Variants in KATNAL1 observed in about 807,000 individuals in gnomAD.
The protein encoded by KATNAL1 is katanin catalytic subunit A1 like 1, also known as katanin p60 ATPase-containing subunit A-like 1.
A neutral mutation model predicts 55.2 loss-of-function variants in KATNAL1; 32 were observed. The observed-to-expected ratio is 0.58, with a 90% CI of 0.44 to 0.78. The LOEUF (loss-of-function observed/expected upper bound fraction) is 0.78. KATNAL1 is among the 30% of genes least tolerant of loss of function. The probability of loss-of-function intolerance (pLI) is 0.00; values close to 1 mark genes in which losing one functional copy is unlikely to be tolerated. For synonymous variants in KATNAL1, 193 were observed against 193.6 expected, an observed-to-expected ratio of 1.00 and a Z score of 0.02; for missense variants, 466 against 600.9, an observed-to-expected ratio of 0.78 and a Z score of 2.35.
chr13:30,241,007 A>G lies in KATNAL1; in HGVS notation c.572T>C (p.Val191Ala). 6.2e-7 allele frequency: 1 copy of G among 1,613,734 alleles called. No homozygotes were observed. The highest frequency in any genetic ancestry group is 8.5e-7 in the Non-Finnish European group (1 of 1,179,790). ...FDGAGYDKDL[V>A]EALERDIVSR... ...TACAATGTCTCTTTCAAGGGCTTCCACCAGATCCTTATCATAACCAGCACC... is the reference window on the plus strand; with the variant it reads ...TACAATGTCTCTTTCAAGGGCTTCCGCCAGATCCTTATCATAACCAGCACC... The change falls in exon 5 of 11, where the codon GTG (valine) becomes GCG (alanine). Residue 191 changes from valine (V) to alanine (A), a missense_variant. This residue lies in a region of KATNAL1 where 248 missense variants were observed against 275.5 expected (regional missense o/e 0.90). Transcript: ENST00000380615.
At chr13:30,253,662 CAAAAAAAA>C (rs71093036) in intron 4 of KATNAL1, among the ~76,000 whole-genome samples, 3 of 88,098 alleles carry the variant, frequency 3.4e-5, no homozygotes, top group Non-Finnish European at 2.3e-5. Flanking sequence ...GACTCCATCT[CAAAAAAAA>C]AAAAAAAAAA....
chr13:30,224,424 C>T (rs999982883), intron 9 of KATNAL1, among the ~76,000 whole-genome samples: 2 of 151,774 alleles, frequency 1.3e-5, no homozygotes, highest in Non-Finnish European at 2.9e-5. Flanking sequence ...GTAGTCCCTA[C>T]TCAAGAGGCT....
intron 4 of KATNAL1, among the ~76,000 whole-genome samples, chr13:30,247,321 GCTTA>G (rs1381994427): frequency 6.6e-6 from 1 of 152,168 alleles, no homozygotes. Context: ...TGCAAACAGT[GCTTA>G]CTAATTTCAG....
At chr13:30,230,252 T>C (rs113752549) in intron 8 of KATNAL1, among the ~76,000 whole-genome samples, 3 of 152,336 alleles carry the variant, frequency 2.0e-5, no homozygotes, top group East Asian at 1.9e-4. Context: ...AAGGCCATAG[T>C]AGCCTTTTTC....
At chr13:30,215,876 G>A (rs1008945814) in intron 9 of KATNAL1, among the ~76,000 whole-genome samples, 3 of 152,048 alleles carry the variant, frequency 2.0e-5, no homozygotes, top group African/African-American at 7.2e-5. Flanking sequence ...GTATACATAT[G>A]TAACTAACCT....
chr13:30,243,266 T>G (rs1404884031), intron 4 of KATNAL1, among the ~76,000 whole-genome samples: 1 of 152,200 alleles, frequency 6.6e-6, no homozygotes, highest in Non-Finnish European at 1.5e-5. Context: ...TTCATTAGTG[T>G]TGGATAATCT....
At chr13:30,292,538 A>T (rs1218318212) in intron 1 of KATNAL1, among the ~76,000 whole-genome samples, 1 of 152,076 alleles carries the variant, frequency 6.6e-6, no homozygotes, top group Non-Finnish European at 1.5e-5. Context: ...CCAAAGGGAG[A>T]TACTGTATCT....
intron 9 of KATNAL1, among the ~76,000 whole-genome samples, chr13:30,220,806 T>A (rs748749502): frequency 1.2e-4 from 19 of 152,020 alleles, no homozygotes; most frequent in Non-Finnish European, 2.2e-4. Context: ...TCAAGTTGAT[T>A]CTCCTGCCTC....
intron 6 of KATNAL1, among the ~76,000 whole-genome samples, chr13:30,239,761 T>A (rs977266774): frequency 1.3e-5 from 2 of 150,294 alleles, no homozygotes; most frequent in African/African-American, 4.9e-5. Context: ...TCTTGGCTCA[T>A]TGCAAACTCC....
At chr13:30,224,007 C>T (rs1051362164) in intron 9 of KATNAL1, among the ~76,000 whole-genome samples, 1 of 152,062 alleles carries the variant, frequency 6.6e-6, no homozygotes, top group Non-Finnish European at 1.5e-5. Context: ...GAGTATGTTC[C>T]TAACTGCAAT....
At chr13:30,244,202 T>C (rs992296610) in intron 4 of KATNAL1, among the ~76,000 whole-genome samples, 1 of 152,066 alleles carries the variant, frequency 6.6e-6, no homozygotes. Context: ...GTTCCTGTGT[T>C]AGTTTGCTGA....
chr13:30,233,815 C>T (rs1438027732), intron 6 of KATNAL1, among the ~76,000 whole-genome samples: 2 of 152,048 alleles, frequency 1.3e-5, no homozygotes, highest in Non-Finnish European at 2.9e-5. Context: ...AGGTGGAGGT[C>T]GTTATGTCAA....
At chr13:30,254,615 C>A (rs545237544) in intron 4 of KATNAL1, among the ~76,000 whole-genome samples, 3 of 152,086 alleles carry the variant, frequency 2.0e-5, no homozygotes, top group Admixed American at 1.3e-4. Context: ...TGATGGATAA[C>A]CACTTGTTAT....
At chr13:30,260,933 T>G (rs1032256342) in intron 3 of KATNAL1, among the ~76,000 whole-genome samples, 15 of 150,664 alleles carry the variant, frequency 1.0e-4, no homozygotes, top group Non-Finnish European at 2.1e-4. Flanking sequence ...TCACCAAAGT[T>G]GAAATGAAGG....
intron 9 of KATNAL1, among the ~76,000 whole-genome samples, chr13:30,215,892 T>A (rs1037766388): frequency 2.0e-5 from 3 of 152,040 alleles, no homozygotes; most frequent in Non-Finnish European, 4.4e-5. Context: ...AACCTGCCCA[T>A]TGTGCACATG....
In KATNAL1 at chr13:30,255,630, A is replaced by G. The variant is rs1878715681; in HGVS notation, c.324-15T>C. On this transcript the variant is annotated splice_polypyrimidine_tract_variant and intron_variant, in intron 3 of 10. Coordinates refer to ENST00000380615, the MANE Select transcript of KATNAL1 (RefSeq NM_032116.5). The stretch of plus-strand genomic sequence containing the variant: ...GAGGTGGAGCTCTGACAAAAAAAAA[A>G]AAAAAAAAATTAAAATTAAAATTAA... 1 of 1,420,516 alleles carries G rather than the reference A, an allele frequency of 7.0e-7. No individual in the cohort carries two copies. The highest frequency in any genetic ancestry group is 9.2e-7 in the Non-Finnish European group (1 of 1,089,482). 88.0% of individuals were successfully genotyped at this position (1,420,516 alleles called of 1,614,324 possible). A position where few individuals can be genotyped will look rare whatever the true frequency, so the allele number is the denominator to read the frequency against.
At chr13:30,287,982 T>C (rs1021606456) in intron 1 of KATNAL1, among the ~76,000 whole-genome samples, 2 of 152,156 alleles carry the variant, frequency 1.3e-5, no homozygotes, top group Non-Finnish European at 2.9e-5. Context: ...CAAAATATTA[T>C]AGAAACAATA....
chr13:30,304,955 T>C (rs747041840), intron 1 of KATNAL1, among the ~76,000 whole-genome samples: 13 of 152,204 alleles, frequency 8.5e-5, no homozygotes, highest in Admixed American at 5.2e-4. Flanking sequence ...ATTTTATCTC[T>C]TAAATATTCC....
intron 1 of KATNAL1, among the ~76,000 whole-genome samples, chr13:30,294,970 T>C (rs1882383579): frequency 6.6e-6 from 1 of 152,212 alleles, no homozygotes; most frequent in Non-Finnish European, 1.5e-5. Context: ...AGCCCAACTT[T>C]GAGAGCTATG....
Sources: gnomAD v4.1 joint callset for allele counts (sites outside exome capture counted in the v4.1 genomes callset) on GRCh38, gnomAD v4.1.1 for gene constraint, gnomAD v4.1.1 regional missense constraint, MANE v1.5 for transcripts, NCBI Gene and HGNC (gene_info 2026-07-23, HGNC 2026-07-21) for gene names.